Variants in GXYLT2 observed in about 807,000 individuals in gnomAD.
GXYLT2 encodes glycosyltransferase 8 domain containing 4.
Under a neutral mutation model 45.8 loss-of-function variants are expected in GXYLT2, and 53 were observed. That is an observed-to-expected ratio of 1.16 (90% CI 0.93 to 1.46). The LOEUF (loss-of-function observed/expected upper bound fraction) is 1.46, where lower values mean the gene tolerates loss of function less well. Among genes scored for constraint, GXYLT2 ranks in the 40% most tolerant of loss-of-function variants. The probability of loss-of-function intolerance (pLI) is 0.00; values close to 1 mark genes in which losing one functional copy is unlikely to be tolerated. For missense variants in GXYLT2, 551 were observed against 544.4 expected, an observed-to-expected ratio of 1.01 and a Z score of -0.12; for synonymous variants, 219 against 214.2, an observed-to-expected ratio of 1.02 and a Z score of -0.19.
intron 3 of GXYLT2, among the ~76,000 whole-genome samples, chr3:72,949,247 G>T (rs1436388589): frequency 6.6e-6 from 1 of 152,098 alleles, no homozygotes; most frequent in African/African-American, 2.4e-5. Context: ...TGGAGCAACT[G>T]GCAGTCCTCC....
intron 3 of GXYLT2, among the ~76,000 whole-genome samples, chr3:72,939,360 A>G (rs1305320819): frequency 6.6e-6 from 1 of 151,288 alleles, no homozygotes; most frequent in Non-Finnish European, 1.5e-5. Flanking sequence ...ATTTGAACCC[A>G]GGAGGCAGAG....
rs1266334273 is a variant in GXYLT2 at position 72,888,098 on chromosome 3, C to T, written c.-136C>T. The T allele has an allele frequency of 6.7e-6, 3 of 445,930 alleles. No homozygotes were observed. Among genetic ancestry groups the T allele is most frequent in the African/African-American group, 2.2e-5 (1 of 45,278 alleles). The allele number at this position is 445,930 out of a possible 1,614,324, so 27.6% of individuals were successfully genotyped here. ...GTCGCCGCCGCCGCCGGCCGCCCGC[C>T]GGCCGCCACGACCCCAGTCCCCGGC... On this transcript the variant is annotated 5_prime_UTR_variant, in exon 1 of 7. Coordinates refer to ENST00000389617, the MANE Select transcript of GXYLT2 (RefSeq NM_001080393.2).
intron 1 of GXYLT2, among the ~76,000 whole-genome samples, chr3:72,890,841 G>C (rs570383652): frequency 6.6e-6 from 1 of 152,242 alleles, no homozygotes; most frequent in South Asian, 2.1e-4. Flanking sequence ...GATTATCGTG[G>C]AAATTATGGC....
intron 3 of GXYLT2, among the ~76,000 whole-genome samples, chr3:72,931,451 G>A (rs904679336): frequency 6.6e-6 from 1 of 151,824 alleles, no homozygotes; most frequent in African/African-American, 2.4e-5. Flanking sequence ...GGATGGTCTC[G>A]ATCTCCTGAC....
chr3:72,924,518 A>T (rs886963891), intron 3 of GXYLT2, among the ~76,000 whole-genome samples: 1 of 152,070 alleles, frequency 6.6e-6, no homozygotes, highest in African/African-American at 2.4e-5. Flanking sequence ...CTTTTTCTTA[A>T]GGGCAGTGGG....
At chr3:72,920,896 C>T (rs1709821058) in intron 2 of GXYLT2, among the ~76,000 whole-genome samples, 1 of 151,226 alleles carries the variant, frequency 6.6e-6, no homozygotes, top group African/African-American at 2.4e-5. Context: ...CTCACTGCAA[C>T]CTCCACCTCT....
Position 72,888,528 on chromosome 3 carries a change from G to T in GXYLT2, c.275+20G>T. On this transcript the variant is annotated intron_variant, in intron 1 of 6. Coordinates refer to ENST00000389617, the MANE Select transcript of GXYLT2 (RefSeq NM_001080393.2). ...GGCGAGGTGAGTCGTGGCAACCCCA[G>T]AATCCCATCTGCGGACCCGTGTCTC... 8.3e-7 allele frequency: 1 copy of T among 1,209,878 alleles called. No individual in the cohort carries two copies. The highest frequency in any genetic ancestry group is 3.0e-5 in the South Asian group (1 of 33,348). The allele number at this position is 1,209,878 out of a possible 1,614,324, so 74.9% of individuals were successfully genotyped here. A position where few individuals can be genotyped will look rare whatever the true frequency, so the allele number is the denominator to read the frequency against.
At chr3:72,895,999 G>A (rs1559724319) in intron 1 of GXYLT2, among the ~76,000 whole-genome samples, 1 of 152,190 alleles carries the variant, frequency 6.6e-6, no homozygotes, top group Non-Finnish European at 1.5e-5. Context: ...GATCCGAGAG[G>A]TGAAATAATA....
Position 72,931,397 on chromosome 3 carries a change from T to G in GXYLT2, c.600+9062T>G, listed in dbSNP as rs548435210. ...GGTGCCCGTCACCACACATGGCTAA[T>G]TTTTTGTATTTTTAGTAGAGACGGG... On this transcript the variant is annotated intron_variant, in intron 3 of 6. Transcript: ENST00000389617. 2.5e-3 allele frequency among the ~76,000 whole-genome samples: 362 copies of G among 142,206 alleles called. 2 individuals carry two copies. Among genetic ancestry groups the G allele is most frequent in the Non-Finnish European group, 2.8e-3 (187 of 67,878 alleles). The allele number at this position is 142,206 out of a possible 152,430, so 93.3% of individuals were successfully genotyped here.
chr3:72,967,856 G>A (rs186894533), intron 6 of GXYLT2, 137 bp downstream of exon 6: 10 of 671,864 alleles, frequency 1.5e-5, no homozygotes, highest in South Asian at 1.3e-4. Context: ...CCTCAGTCAC[G>A]CTCTGTCACT....
At chr3:72,951,787 A>G (rs538010472) in intron 3 of GXYLT2, among the ~76,000 whole-genome samples, 2 of 152,188 alleles carry the variant, frequency 1.3e-5, no homozygotes, top group East Asian at 3.9e-4. Flanking sequence ...AGAATCTTCA[A>G]ATTCTGTTTT....
chr3:72,905,802 CT>C (rs1454845000), intron 1 of GXYLT2, among the ~76,000 whole-genome samples: 1 of 152,176 alleles, frequency 6.6e-6, no homozygotes, highest in Non-Finnish European at 1.5e-5. Flanking sequence ...TATGGTGCAG[CT>C]TCTATTTTAC....
At chr3:72,928,895 G>T in intron 3 of GXYLT2, 1 of 690,810 alleles carries the variant, frequency 1.4e-6, no homozygotes, top group Non-Finnish European at 2.6e-6. Flanking sequence ...AACAGTGCTT[G>T]GACGGAACCC....
In GXYLT2 at chr3:72,888,535, A is replaced by G. The variant is rs892344228; in HGVS notation, c.275+27A>G. On this transcript the variant is annotated intron_variant, in intron 1 of 6. Coordinates refer to ENST00000389617, the MANE Select transcript of GXYLT2 (RefSeq NM_001080393.2). Reference sequence around the variant, plus strand: ...TGAGTCGTGGCAACCCCAGAATCCCATCTGCGGACCCGTGTCTCGCTCCCT... The same window carrying G: ...TGAGTCGTGGCAACCCCAGAATCCCGTCTGCGGACCCGTGTCTCGCTCCCT... 66 of 1,197,112 alleles carry G rather than the reference A, an allele frequency of 5.5e-5. 1 individual carries two copies. In the East Asian group the frequency reaches 2.4e-3, roughly 43 times the overall value. 74.2% of individuals were successfully genotyped at this position (1,197,112 alleles called of 1,614,324 possible). A position where few individuals can be genotyped will look rare whatever the true frequency, so the allele number is the denominator to read the frequency against.
At chr3:72,893,040 G>T (rs574745993) in intron 1 of GXYLT2, among the ~76,000 whole-genome samples, 1 of 152,244 alleles carries the variant, frequency 6.6e-6, no homozygotes, top group East Asian at 1.9e-4. Flanking sequence ...TGGTTTGTGT[G>T]GGTCCACTCT....
intron 1 of GXYLT2, among the ~76,000 whole-genome samples, chr3:72,890,821 A>G (rs1709168580): frequency 6.6e-6 from 1 of 152,192 alleles, no homozygotes; most frequent in Admixed American, 6.5e-5. Flanking sequence ...TCTTTTGAAC[A>G]TATCTCTTAG....
In GXYLT2 at chr3:72,934,261, T is replaced by C. The variant is rs139368336; in HGVS notation, c.600+11926T>C. 8.5e-3 allele frequency among the ~76,000 whole-genome samples: 1,288 copies of C among 151,926 alleles called. 5 individuals carry two copies. Among genetic ancestry groups the C allele is most frequent in the African/African-American group, 0.03 (1,222 of 41,400 alleles). ...CACCATGCCAGGCTAATTTTTGTAT[T>C]TTTTTGTAGAGATAGGGTCTTGCTG... is the stretch of plus-strand genomic sequence containing the variant. On this transcript the variant is annotated intron_variant, in intron 3 of 6. Transcript: ENST00000389617.
chr3:72,925,671 C>A (rs1467126973), intron 3 of GXYLT2, among the ~76,000 whole-genome samples: 3 of 152,146 alleles, frequency 2.0e-5, no homozygotes, highest in Non-Finnish European at 4.4e-5. Context: ...GGGAAATGGT[C>A]TTCCCATTCT....
chr3:72,929,082 A>G, intron 3 of GXYLT2: 1 of 1,589,894 alleles, frequency 6.3e-7, no homozygotes, highest in Non-Finnish European at 8.5e-7. Context: ...CAGAGCTACC[A>G]CCAGGACTCA....
Sources: gnomAD v4.1 joint callset for allele counts (sites outside exome capture counted in the v4.1 genomes callset) on GRCh38, gnomAD v4.1.1 for gene constraint, MANE v1.5 for transcripts, NCBI Gene and HGNC (gene_info 2026-07-23, HGNC 2026-07-21) for gene names.